The following KIF6 variants were observed in gnomAD, a reference collection of about 807,000 sequenced individuals.
KIF6 encodes kinesin family member 6.
Under a neutral mutation model 112.7 loss-of-function variants are expected in KIF6, and 106 were observed. The observed-to-expected ratio is 0.94, with a 90% CI of 0.80 to 1.11. KIF6 has a LOEUF of 1.11. Among genes scored for constraint, KIF6 ranks in the 50% least tolerant of loss-of-function variants. KIF6 has a pLI of 0.00. For synonymous variants in KIF6, 339 were observed against 339.9 expected (o/e 1.00, Z 0.03); for missense variants, 929 against 964.0 (o/e 0.96, Z 0.48).
At chr6:39,679,506 T>C (rs1304233072) in intron 3 of KIF6, among the ~76,000 whole-genome samples, 1 of 152,174 alleles carries the variant, frequency 6.6e-6, no homozygotes, top group Non-Finnish European at 1.5e-5. Context: ...CTTTTGAACA[T>C]GTCATTCTCT....
At chr6:39,348,937 C>T (rs1426646938) in intron 19 of KIF6, among the ~76,000 whole-genome samples, 1 of 152,236 alleles carries the variant, frequency 6.6e-6, no homozygotes, top group Non-Finnish European at 1.5e-5. Context: ...CAACATTTAT[C>T]TGCTCACAGA....
At chr6:39,430,955 T>G in intron 14 of KIF6, 98 bp downstream of exon 14, 1 of 625,098 alleles carries the variant, frequency 1.6e-6, no homozygotes, top group Non-Finnish European at 2.9e-6. Context: ...CTTGTAATAG[T>G]TATGTTGGGC....
chr6:39,601,975 C>T (rs919402562), intron 6 of KIF6, among the ~76,000 whole-genome samples: 1 of 152,240 alleles, frequency 6.6e-6, no homozygotes, highest in Non-Finnish European at 1.5e-5. Context: ...CTACAATTGA[C>T]TTCAATCCAA....
intron 8 of KIF6, 111 bp from the exon 9 acceptor site, chr6:39,585,095 T>C: frequency 3.1e-6 from 2 of 649,672 alleles, no homozygotes; most frequent in South Asian, 4.1e-5. Flanking sequence ...AAAAGTGATG[T>C]GTATAAAACT....
At chr6:39,655,213 T>A (rs1474130581) in intron 3 of KIF6, among the ~76,000 whole-genome samples, 1 of 152,222 alleles carries the variant, frequency 6.6e-6, no homozygotes, top group Non-Finnish European at 1.5e-5. Context: ...ATTCATATTT[T>A]ATATTCACGT....
intron 10 of KIF6, among the ~76,000 whole-genome samples, chr6:39,562,382 T>C (rs1780053442): frequency 6.6e-6 from 1 of 152,224 alleles, no homozygotes; most frequent in African/African-American, 2.4e-5. Flanking sequence ...TGCCTCCTAC[T>C]GGATATCCCA....
At chr6:39,593,097 T>C (rs1782041010) in intron 7 of KIF6, among the ~76,000 whole-genome samples, 1 of 152,254 alleles carries the variant, frequency 6.6e-6, no homozygotes. Context: ...GCTGTTCTGC[T>C]GGCTAACATG....
intron 13 of KIF6, among the ~76,000 whole-genome samples, chr6:39,448,921 C>A (rs1490523379): frequency 6.6e-6 from 1 of 152,134 alleles, no homozygotes; most frequent in Non-Finnish European, 1.5e-5. Context: ...CCAAGCTGTT[C>A]CCCCTAATTG....
chr6:39,677,413 C>T (rs1347664173), intron 3 of KIF6, among the ~76,000 whole-genome samples: 1 of 152,006 alleles, frequency 6.6e-6, no homozygotes, highest in Non-Finnish European at 1.5e-5. Context: ...ATGGATATAG[C>T]AAACCTGGAC....
At chr6:39,720,251 G>A (rs962526987) in intron 2 of KIF6, among the ~76,000 whole-genome samples, 2 of 152,006 alleles carry the variant, frequency 1.3e-5, no homozygotes, top group African/African-American at 4.8e-5. Context: ...ACCACATGTG[G>A]CTTGTGGCTA....
intron 6 of KIF6, among the ~76,000 whole-genome samples, chr6:39,611,746 T>C (rs1783227353): frequency 6.6e-6 from 1 of 152,192 alleles, no homozygotes; most frequent in Non-Finnish European, 1.5e-5. Context: ...TATTAAACTA[T>C]ATATGGAGGA....
intron 22 of KIF6, among the ~76,000 whole-genome samples, chr6:39,338,375 G>A (rs1229909185): frequency 6.6e-6 from 1 of 152,210 alleles, no homozygotes; most frequent in Non-Finnish European, 1.5e-5. Context: ...GAAGAGATTG[G>A]AAATAATTCA....
At chr6:39,588,020 G>C (rs185647686) in intron 7 of KIF6, among the ~76,000 whole-genome samples, 1 of 152,194 alleles carries the variant, frequency 6.6e-6, no homozygotes, top group Non-Finnish European at 1.5e-5. Flanking sequence ...CTTTGTTCAC[G>C]TGGTAACTGG....
chr6:39,647,710 T>G (rs1183540157), intron 3 of KIF6, among the ~76,000 whole-genome samples: 2 of 150,826 alleles, frequency 1.3e-5, no homozygotes, highest in East Asian at 3.9e-4. Flanking sequence ...GCCCTGATTT[T>G]TTTTTTTTTT....
chr6:39,711,486 C>A (rs866770667), intron 3 of KIF6, among the ~76,000 whole-genome samples: 1 of 152,092 alleles, frequency 6.6e-6, no homozygotes, highest in South Asian at 2.1e-4. Flanking sequence ...TCCTCCCACC[C>A]GAACCTCCTG....
chr6:39,370,342 T>C (rs1765872740), intron 16 of KIF6, among the ~76,000 whole-genome samples: 2 of 152,212 alleles, frequency 1.3e-5, no homozygotes, highest in African/African-American at 4.8e-5. Flanking sequence ...TGAAAACCTC[T>C]AATGAAGATG....
At chr6:39,651,311 T>C (rs1398626728) in intron 3 of KIF6, among the ~76,000 whole-genome samples, 1 of 151,934 alleles carries the variant, frequency 6.6e-6, no homozygotes, top group Admixed American at 6.6e-5. Context: ...GAGACAGGCA[T>C]AGAAATGAAA....
intron 7 of KIF6, among the ~76,000 whole-genome samples, chr6:39,593,547 T>TC (rs1459640572): frequency 1.3e-5 from 2 of 152,210 alleles, no homozygotes; most frequent in Non-Finnish European, 2.9e-5. Flanking sequence ...TGTTGAACCT[T>TC]CTATTTTCCT....
chr6:39,455,835 A>G (rs1562233049), intron 13 of KIF6, among the ~76,000 whole-genome samples: 1 of 146,184 alleles, frequency 6.8e-6, no homozygotes. Flanking sequence ...GAATAAAAAG[A>G]AATGAGCAAA....
Sources: allele counts gnomAD v4.1 joint callset (sites outside exome capture counted in the v4.1 genomes callset), GRCh38; gene constraint gnomAD v4.1.1; transcripts MANE v1.5; gene names NCBI Gene and HGNC (gene_info 2026-07-23, HGNC 2026-07-21).